FOCAD: variants seen among roughly 807,000 people sequenced by gnomAD.
FOCAD encodes the protein focadhesin, also known as KIAA1797.
A neutral mutation model predicts 225.6 loss-of-function variants in FOCAD; 198 were observed. The ratio of observed to expected loss-of-function variants is 0.88; its 90% CI spans 0.78 to 0.99. The LOEUF (loss-of-function observed/expected upper bound fraction) is 0.99. FOCAD is among the 50% of genes least tolerant of loss of function. The probability of loss-of-function intolerance (pLI) is 0.00; values close to 1 mark genes in which losing one functional copy is unlikely to be tolerated. For synonymous variants in FOCAD, 897 were observed against 755.0 expected (o/e 1.19, Z -3.08); for missense variants, 2,713 against 2,123.6 (o/e 1.28, Z -5.46).
chr9:20,926,911 A>G (rs1439150995), intron 26 of FOCAD, among the ~76,000 whole-genome samples: 1 of 151,178 alleles, frequency 6.6e-6, no homozygotes, highest in Non-Finnish European at 1.5e-5. Context: ...TATTATCTAT[A>G]TAAAATATGA....
At chr9:20,802,584 A>G (rs1821965395) in intron 11 of FOCAD, among the ~76,000 whole-genome samples, 1 of 152,140 alleles carries the variant, frequency 6.6e-6, no homozygotes, top group Non-Finnish European at 1.5e-5. Flanking sequence ...ACATAAATAT[A>G]TTAGGTGTAT....
rs371795374 is a variant in FOCAD at position 20,938,653 on chromosome 9, A to T, written c.3407+5550A>T. Among the ~76,000 whole-genome samples, 284 of 152,260 alleles carry T rather than the reference A, an allele frequency of 1.9e-3. 8 individuals carry two copies. The South Asian group carries it at 0.056, about 30-fold the overall frequency. The stretch of plus-strand genomic sequence containing the variant: ...TAAATGACAAGTTAATGGGTACAGC[A>T]CACCAATATGGCACCTGTATACATA... On this transcript the variant is annotated intron_variant, in intron 28 of 43. Coordinates refer to ENST00000338382, the MANE Select transcript of FOCAD (RefSeq NM_001375567.1).
At position 20,740,267 on chromosome 9, in the gene FOCAD, C is replaced by T. The variant is rs148407192; in HGVS notation, c.319C>T (p.His107Tyr). ...ACATGGCTTGATAAAAGCCATTATG[C>T]ACTTACTACAAATGCAAGCTCTTAA... ...NTHGLIKAIM[H>Y]LLQMQALKEG... Residue 107 changes from histidine to tyrosine, a missense_variant, in exon 5 of 44, where the codon CAC (histidine) becomes TAC (tyrosine). His to Tyr is a moderately conservative substitution (Grantham distance 83, BLOSUM62 2). Coordinates refer to ENST00000338382, the MANE Select transcript of FOCAD (RefSeq NM_001375567.1). The T allele has an allele frequency of 1.4e-4, 227 of 1,611,408 alleles. 1 individual carries two copies. In the South Asian group the frequency reaches 2.4e-3, roughly 17 times the overall value.
Position 20,866,914 on chromosome 9 carries a change from T to TTTTTTTTTTTGTTTG in FOCAD, c.2107-12_2107-11insTTTTTTTGTTTGTTT. Reference sequence around the variant, plus strand: ...TTTTTTTTTTTTTTTTTTTTTTTTTTTTTACCCTATCTAGGACCCAATTGT... The same window carrying TTTTTTTTTTTGTTTG: ...TTTTTTTTTTTTTTTTTTTTTTTTTTTTTTTTTTTTGTTTGTTTACCCTATCTAGGACCCAATTGT... On this transcript the variant is annotated splice_polypyrimidine_tract_variant and intron_variant, in intron 17 of 43. Coordinates refer to ENST00000338382, the MANE Select transcript of FOCAD (RefSeq NM_001375567.1). 1 of 978,232 alleles carries TTTTTTTTTTTGTTTG rather than the reference T, an allele frequency of 1.0e-6. No individual in the cohort carries two copies. The highest frequency in any genetic ancestry group is 1.5e-6 in the Non-Finnish European group (1 of 684,704). The allele number at this position is 978,232 out of a possible 1,614,324, so 60.6% of individuals were successfully genotyped here. A position where few individuals can be genotyped will look rare whatever the true frequency, so the allele number is the denominator to read the frequency against.
intron 8 of FOCAD, among the ~76,000 whole-genome samples, chr9:20,770,775 G>T (rs1363312897): frequency 6.6e-6 from 1 of 152,106 alleles, no homozygotes; most frequent in East Asian, 1.9e-4. Context: ...TACCATTAGC[G>T]CATATTGCTA....
intron 6 of FOCAD, among the ~76,000 whole-genome samples, chr9:20,764,328 A>G (rs1453178564): frequency 1.3e-5 from 2 of 152,180 alleles, no homozygotes; most frequent in African/African-American, 4.8e-5. Context: ...ATCTTGGCTC[A>G]CTGCAACCTC....
In FOCAD at chr9:20,895,556, C is replaced by T. The variant is rs191058320; in HGVS notation, c.2625+10326C>T. 2.7e-3 allele frequency among the ~76,000 whole-genome samples: 414 copies of T among 151,374 alleles called. 2 individuals carry two copies. Among genetic ancestry groups the T allele is most frequent in the African/African-American group, 9.0e-3 (370 of 41,324 alleles). ...ATACACACACATATATATATGTCTG[C>T]GCATATATATGTGTATATATATAGA... On this transcript the variant is annotated intron_variant, in intron 21 of 43. Coordinates refer to ENST00000338382, the MANE Select transcript of FOCAD (RefSeq NM_001375567.1).
chr9:20,942,098 A>T (rs1439993415), intron 28 of FOCAD, among the ~76,000 whole-genome samples: 1 of 152,248 alleles, frequency 6.6e-6, no homozygotes, highest in Non-Finnish European at 1.5e-5. Context: ...CAATAGATGT[A>T]TATGCCATAG....
At chr9:20,749,118 A>C (rs180772765) in intron 5 of FOCAD, among the ~76,000 whole-genome samples, 2 of 152,114 alleles carry the variant, frequency 1.3e-5, no homozygotes, top group Non-Finnish European at 2.9e-5. Context: ...ATTACTTTGT[A>C]CTTAAAATAG....
chr9:20,843,449 T>A (rs1826754068), intron 15 of FOCAD, among the ~76,000 whole-genome samples: 1 of 152,124 alleles, frequency 6.6e-6, no homozygotes, highest in Non-Finnish European at 1.5e-5. Flanking sequence ...CCTGTAATGT[T>A]TCCACAGAGA....
chr9:20,893,082 C>G (rs570410577), intron 21 of FOCAD, among the ~76,000 whole-genome samples: 2 of 152,142 alleles, frequency 1.3e-5, no homozygotes, highest in East Asian at 1.9e-4. Context: ...TGACTATCCA[C>G]AGGTGCAGTT....
At chr9:20,849,642 A>G (rs1271392773) in intron 15 of FOCAD, among the ~76,000 whole-genome samples, 1 of 151,984 alleles carries the variant, frequency 6.6e-6, no homozygotes, top group Non-Finnish European at 1.5e-5. Flanking sequence ...GAAAAAAATC[A>G]TTAACGTCAT....
chr9:20,718,854 T>C (rs1825554551), intron 3 of FOCAD, among the ~76,000 whole-genome samples: 1 of 152,192 alleles, frequency 6.6e-6, no homozygotes, highest in Non-Finnish European at 1.5e-5. Flanking sequence ...TATTTATTTG[T>C]TTGTTTTGTT....
chr9:20,756,235 T>G (rs911677700), intron 5 of FOCAD, among the ~76,000 whole-genome samples: 2 of 152,112 alleles, frequency 1.3e-5, no homozygotes, highest in East Asian at 1.9e-4. Context: ...AAATAGCCTG[T>G]GCTTTAGCAA....
intron 1 of FOCAD, among the ~76,000 whole-genome samples, chr9:20,700,520 A>G (rs1320394499): frequency 1.3e-5 from 2 of 151,880 alleles, no homozygotes; most frequent in Admixed American, 6.6e-5. Context: ...CTACACAAAA[A>G]TGATTCGCCT....
intron 35 of FOCAD, among the ~76,000 whole-genome samples, chr9:20,968,258 T>A (rs1839441349): frequency 6.6e-6 from 1 of 152,082 alleles, no homozygotes; most frequent in Non-Finnish European, 1.5e-5. Context: ...TTCGTAGAAT[T>A]CTCTTGTAAT....
chr9:20,874,876 T>C (rs1830105378), intron 19 of FOCAD, 69 bp downstream of exon 19: 1 of 1,572,834 alleles, frequency 6.4e-7, no homozygotes, highest in Non-Finnish European at 8.7e-7. Flanking sequence ...TGTATTCTTT[T>C]GTGATAGGTA....
intron 21 of FOCAD, among the ~76,000 whole-genome samples, chr9:20,895,411 T>C (rs1295676518): frequency 6.6e-6 from 1 of 151,956 alleles, no homozygotes; most frequent in African/African-American, 2.4e-5. Flanking sequence ...TAGGAAGAAC[T>C]GACATCCTGA....
chr9:20,962,546 A>G (rs1463741058), intron 35 of FOCAD, among the ~76,000 whole-genome samples: 1 of 152,172 alleles, frequency 6.6e-6, no homozygotes, highest in Non-Finnish European at 1.5e-5. Context: ...TATGCTAGCG[A>G]TGGAAAATAT....
Sources: allele counts gnomAD v4.1 joint callset (sites outside exome capture counted in the v4.1 genomes callset), GRCh38; gene constraint gnomAD v4.1.1; transcripts MANE v1.5; gene names NCBI Gene and HGNC (gene_info 2026-07-23, HGNC 2026-07-21).